The following EIF2AK3 variants were observed in gnomAD, a reference collection of about 807,000 sequenced individuals.
EIF2AK3 encodes the protein eukaryotic translation initiation factor 2-alpha kinase 3.
Under a neutral mutation model 113.5 loss-of-function variants are expected in EIF2AK3, and 50 were observed. The ratio of observed to expected loss-of-function variants is 0.44; its 90% CI spans 0.35 to 0.56. The LOEUF is 0.56. Ranked by LOEUF, EIF2AK3 falls within the 20% of genes least tolerant of loss-of-function variation. The pLI is 0.00. For synonymous variants in EIF2AK3, 448 were observed against 495.4 expected (o/e 0.90, Z 1.27); for missense variants, 1,185 against 1,378.0 (o/e 0.86, Z 2.22).
intron 1 of EIF2AK3, among the ~76,000 whole-genome samples, chr2:88,625,320 C>T (rs1469305766): frequency 2.7e-5 from 4 of 146,236 alleles, no homozygotes; most frequent in African/African-American, 7.4e-5. Flanking sequence ...CACACACACA[C>T]ACACACAGAC....
At chr2:88,600,751 T>C (rs1441759952) in intron 2 of EIF2AK3, among the ~76,000 whole-genome samples, 1 of 152,174 alleles carries the variant, frequency 6.6e-6, no homozygotes, top group Non-Finnish European at 1.5e-5. Context: ...GGAAGGAATT[T>C]CATATGAGAA....
At chr2:88,591,165 T>C (rs1177126314) in intron 4 of EIF2AK3, 113 bp from the exon 5 acceptor site, 1 of 952,902 alleles carries the variant, frequency 1.0e-6, no homozygotes, top group Non-Finnish European at 1.6e-6. Flanking sequence ...ATGAGAAAAC[T>C]AACAACATAA....
intron 9 of EIF2AK3, among the ~76,000 whole-genome samples, chr2:88,584,889 G>C (rs1248130456): frequency 6.6e-6 from 1 of 151,950 alleles, no homozygotes; most frequent in African/African-American, 2.4e-5. Context: ...GGGGAGGAAG[G>C]GATTAGGGTA....
At chr2:88,570,052 T>A (rs1194719045) in intron 14 of EIF2AK3, among the ~76,000 whole-genome samples, 6 of 151,946 alleles carry the variant, frequency 3.9e-5, no homozygotes, top group Non-Finnish European at 5.9e-5. Flanking sequence ...TGCCTGTAAT[T>A]TTTTTTTGTT....
intron 10 of EIF2AK3, among the ~76,000 whole-genome samples, chr2:88,581,894 G>A (rs1674609069): frequency 6.6e-6 from 1 of 152,154 alleles, no homozygotes; most frequent in Non-Finnish European, 1.5e-5. Flanking sequence ...ACACTGCCAG[G>A]TAGGTACCTT....
Position 88,627,312 on chromosome 2 carries a change from C to G in EIF2AK3, c.-38G>C, listed in dbSNP as rs1199709517. The G allele has an allele frequency of 6.9e-7, 1 of 1,458,510 alleles. No individual in the cohort carries two copies. The highest frequency in any genetic ancestry group is 1.3e-5 in the South Asian group (1 of 76,668). The allele number at this position is 1,458,510 out of a possible 1,614,324, so 90.3% of individuals were successfully genotyped here. A position where few individuals can be genotyped will look rare whatever the true frequency, so the allele number is the denominator to read the frequency against. On this transcript the variant is annotated 5_prime_UTR_variant, in exon 1 of 17. Coordinates refer to ENST00000303236, the MANE Select transcript of EIF2AK3 (RefSeq NM_004836.7). ...CCGCGCGCAGGCATGGAGGCGCAGC[C>G]ACTGACGCCTGCCTCTCCCGCCGCT...
At chr2:88,587,275 T>A (rs1674761618) in intron 8 of EIF2AK3, among the ~76,000 whole-genome samples, 1 of 147,170 alleles carries the variant, frequency 6.8e-6, no homozygotes, top group South Asian at 2.2e-4. Context: ...TTTTTTTTAA[T>A]CAATTTAATT....
At position 88,590,516 on chromosome 2, in the gene EIF2AK3, A is replaced by G. The variant is rs886056417; in HGVS notation, c.1092T>C (p.Asn364=). ...SLFDDTSYTS[N]DDVLEDEEDI... is the part of the protein sequence containing the mutation. Reference sequence around the variant, plus strand: ...CTTCTTCATCTTCTAAAACATCATCATTAGATGTATAACTTGTATCATCAA... The same window carrying G: ...CTTCTTCATCTTCTAAAACATCATCGTTAGATGTATAACTTGTATCATCAA... The change falls in exon 6 of 17, where the codon AAT becomes AAC. Residue 364 remains asparagine, a synonymous_variant. Transcript: ENST00000303236. 2.5e-6 allele frequency: 4 copies of G among 1,613,836 alleles called. No individual in the cohort carries two copies. In the South Asian group the frequency reaches 3.3e-5, roughly 13 times the overall value.
At position 88,575,400 on chromosome 2, in the gene EIF2AK3, C is replaced by T. The variant is rs974345812; in HGVS notation, c.2083G>A (p.Val695Ile). ...SSPSPMDAPS[V>I]KIRRMDPFAT... ...AAAGGATCCATTCTGCGTATTTTAA[C>T]TGATGGTGCATCCATTGGGCTAGGA... The change falls in exon 13 of 17, where the codon GTT (valine) becomes ATT (isoleucine). Residue 695 changes from valine (V) to isoleucine (I), a missense_variant. Transcript: ENST00000303236. 4 of 1,612,368 alleles carry T rather than the reference C, an allele frequency of 2.5e-6. No homozygotes were observed. In the African/African-American group the frequency reaches 4.0e-5, roughly 16 times the overall value.
chr2:88,575,514 C>T, intron 12 of EIF2AK3, 68 bp from the exon 13 acceptor site: 1 of 1,558,460 alleles, frequency 6.4e-7, no homozygotes, highest in East Asian at 2.3e-5. Flanking sequence ...GAACTGCACC[C>T]TCTGTTTAAA....
intron 1 of EIF2AK3, among the ~76,000 whole-genome samples, chr2:88,625,206 C>T (rs988515111): frequency 1.3e-5 from 2 of 150,782 alleles, no homozygotes; most frequent in South Asian, 2.1e-4. Context: ...CATATACAGT[C>T]GGCTCTAACC....
In EIF2AK3 at chr2:88,557,693, T is replaced by C. The variant is rs775260114; in HGVS notation, c.*43A>G. ...GACAGGCATATTCTAAGAAGTAGGC[T>C]ATTATCTGCATCACCTATTAGGGTT... On this transcript the variant is annotated 3_prime_UTR_variant, in exon 17 of 17. Coordinates refer to ENST00000303236, the MANE Select transcript of EIF2AK3 (RefSeq NM_004836.7). The C allele has an allele frequency of 4.4e-6, 7 of 1,597,290 alleles. No homozygotes were observed. The highest frequency in any genetic ancestry group is 6.0e-6 in the Non-Finnish European group (7 of 1,164,762).
intron 2 of EIF2AK3, among the ~76,000 whole-genome samples, chr2:88,598,099 A>G (rs375122298): frequency 6.6e-6 from 1 of 152,208 alleles, no homozygotes; most frequent in East Asian, 1.9e-4. Flanking sequence ...ATCTGGGACA[A>G]TTAAGCACCA....
At chr2:88,565,174 T>A (rs1674076266) in intron 14 of EIF2AK3, among the ~76,000 whole-genome samples, 1 of 150,542 alleles carries the variant, frequency 6.6e-6, no homozygotes, top group South Asian at 2.1e-4. Context: ...GTAGCTGGGA[T>A]TACAGGTGCC....
At position 88,620,423 on chromosome 2, in the gene EIF2AK3, A is replaced by G. The variant is rs148391166; in HGVS notation, c.308+6544T>C. Among the ~76,000 whole-genome samples, 66 of 152,368 alleles carry G rather than the reference A, an allele frequency of 4.3e-4. No homozygotes were observed. The East Asian group carries it at 0.011, about 26-fold the overall frequency. ...CCATCTTTAGAGGAAATACTTAAGA[A>G]CCAATCAAAATATTCAACATTTCTT... On this transcript the variant is annotated intron_variant, in intron 1 of 16. Transcript: ENST00000303236.
At chr2:88,604,275 G>A (rs375430103) in intron 2 of EIF2AK3, among the ~76,000 whole-genome samples, 197 of 152,218 alleles carry the variant, frequency 1.3e-3, no homozygotes, top group South Asian at 7.5e-3. Context: ...CATTTCGGCT[G>A]CTCTCTCCCA....
intron 3 of EIF2AK3, 114 bp from the exon 4 acceptor site, chr2:88,593,519 T>A (rs1558656155): frequency 1.6e-6 from 2 of 1,250,732 alleles, no homozygotes; most frequent in Non-Finnish European, 2.3e-6. Context: ...AGGAAATGTG[T>A]ATGAAGTACT....
chr2:88,576,406 A>T, intron 12 of EIF2AK3, 148 bp downstream of exon 12: 2 of 1,167,704 alleles, frequency 1.7e-6, no homozygotes, highest in Non-Finnish European at 2.4e-6. Flanking sequence ...AAATTTCACA[A>T]GTGGCTAGAG....
chr2:88,574,716 C>T lies in EIF2AK3; in HGVS notation c.2767G>A (p.Glu923Lys). 6.2e-7 allele frequency: 1 copy of T among 1,614,188 alleles called. No individual in the cohort carries two copies. The highest frequency in any genetic ancestry group is 8.5e-7 in the Non-Finnish European group (1 of 1,180,024). The change falls in exon 13 of 17, where the codon GAG (glutamate) becomes AAG (lysine). Residue 923 changes from glutamate to lysine, a missense_variant. By Grantham distance (56) the Glu-to-Lys change is moderately conservative (BLOSUM62 1). Transcript: ENST00000303236. ...TTACTGTGAAGAAACTCCACTGCCT[C>T]TGCGATCTGCAGGAAGATGTGCAGA... ...VCLHIFLQIA[E>K]AVEFLHSKGL...
Sources: allele counts gnomAD v4.1 joint callset (sites outside exome capture counted in the v4.1 genomes callset), GRCh38; gene constraint gnomAD v4.1.1; transcripts MANE v1.5; gene names NCBI Gene and HGNC (gene_info 2026-07-23, HGNC 2026-07-21).